GFRA1: variants seen among roughly 807,000 people sequenced by gnomAD.
GFRA1 encodes GDNF family receptor alpha-1.
Under a neutral mutation model 51.6 loss-of-function variants are expected in GFRA1, and 16 were observed. That is an observed-to-expected ratio of 0.31 (90% CI 0.21 to 0.47). GFRA1 has a LOEUF of 0.47. Ranked by LOEUF, GFRA1 falls within the 20% of genes least tolerant of loss-of-function variation. GFRA1 has a pLI of 1.00. For missense variants in GFRA1, 530 were observed against 594.3 expected (o/e 0.89, Z 1.13); for synonymous variants, 270 against 241.3 (o/e 1.12, Z -1.10).
At chr10:116,264,209 G>A (rs1166573465) in intron 4 of GFRA1, among the ~76,000 whole-genome samples, 1 of 152,112 alleles carries the variant, frequency 6.6e-6, no homozygotes, top group South Asian at 2.1e-4. Context: ...CAGACAGAAA[G>A]GGACCAACAC....
intron 6 of GFRA1, among the ~76,000 whole-genome samples, chr10:116,106,667 T>A (rs1957018716): frequency 6.6e-6 from 1 of 151,942 alleles, no homozygotes; most frequent in Non-Finnish European, 1.5e-5. Flanking sequence ...TCATGTGACA[T>A]GTCTGCATGA....
chr10:116,227,575 C>T (rs1966388415), intron 4 of GFRA1, among the ~76,000 whole-genome samples: 1 of 152,198 alleles, frequency 6.6e-6, no homozygotes, highest in Admixed American at 6.5e-5. Flanking sequence ...TAGCATCCTG[C>T]CTTCTCAAAT....
chr10:116,173,249 G>A (rs888486439), intron 5 of GFRA1, among the ~76,000 whole-genome samples: 18 of 152,204 alleles, frequency 1.2e-4, no homozygotes, highest in African/African-American at 4.3e-4. Flanking sequence ...GGGGACCAGT[G>A]CTGTGGGACC....
chr10:116,227,972 A>G (rs1427822521), intron 4 of GFRA1, among the ~76,000 whole-genome samples: 1 of 152,232 alleles, frequency 6.6e-6, no homozygotes, highest in Non-Finnish European at 1.5e-5. Flanking sequence ...GTTTTGGACA[A>G]AGTGTGCTGT....
intron 4 of GFRA1, among the ~76,000 whole-genome samples, chr10:116,243,808 A>G (rs1035870843): frequency 1.3e-5 from 2 of 152,198 alleles, no homozygotes. Flanking sequence ...GGAAACTCTC[A>G]CAGAGCTCCC....
intron 5 of GFRA1, among the ~76,000 whole-genome samples, 191 bp downstream of exon 5, chr10:116,211,440 G>A (rs1215462940): frequency 6.6e-6 from 1 of 152,206 alleles, no homozygotes; most frequent in Non-Finnish European, 1.5e-5. Context: ...AGAGGAAGAA[G>A]CAGAGGTTGG....
At chr10:116,256,716 T>C (rs1968889482) in intron 4 of GFRA1, among the ~76,000 whole-genome samples, 6 of 152,220 alleles carry the variant, frequency 3.9e-5, no homozygotes, top group Admixed American at 3.9e-4. Context: ...TTACGAAATG[T>C]TCTGAATCGA....
In GFRA1 at chr10:116,059,676, C is replaced by A. The variant is rs1954708838; in HGVS notation, c.*4722G>T. 6.6e-6 allele frequency: 1 copy of A among 152,208 alleles called. No individual in the cohort carries two copies. The highest frequency in any genetic ancestry group is 1.5e-5 in the Non-Finnish European group (1 of 68,056). The allele number at this position is 152,208 out of a possible 1,614,324, so 9.4% of individuals were successfully genotyped here. On this transcript the variant is annotated 3_prime_UTR_variant, in exon 11 of 11. Transcript: ENST00000355422. ...CAATCAGAAGTGCAGGTGGCACATTCTGCTGAAAACCACCCCTGCATTGTC... is the reference window on the plus strand; with the variant it reads ...CAATCAGAAGTGCAGGTGGCACATTATGCTGAAAACCACCCCTGCATTGTC...
intron 6 of GFRA1, among the ~76,000 whole-genome samples, chr10:116,111,481 C>T (rs1192042123): frequency 6.6e-6 from 1 of 152,186 alleles, no homozygotes; most frequent in African/African-American, 2.4e-5. Context: ...ATGTGTTGTC[C>T]CTGCCCGCAG....
intron 5 of GFRA1, among the ~76,000 whole-genome samples, chr10:116,130,360 T>C (rs1315792969): frequency 1.3e-5 from 2 of 152,072 alleles, no homozygotes; most frequent in East Asian, 1.9e-4. Flanking sequence ...TATAAGCTTA[T>C]AGACAATTAT....
At chr10:116,105,774 C>T (rs1956982737) in intron 6 of GFRA1, among the ~76,000 whole-genome samples, 1 of 151,862 alleles carries the variant, frequency 6.6e-6, no homozygotes, top group Non-Finnish European at 1.5e-5. Flanking sequence ...AATTCCACAA[C>T]TAGCTCATGA....
At chr10:116,236,419 GT>G (rs1319123920) in intron 4 of GFRA1, among the ~76,000 whole-genome samples, 1 of 152,094 alleles carries the variant, frequency 6.6e-6, no homozygotes, top group Non-Finnish European at 1.5e-5. Context: ...AAGCAGAAAA[GT>G]TCTATATTTA....
chr10:116,180,985 C>T (rs778385924), intron 5 of GFRA1, among the ~76,000 whole-genome samples: 1 of 152,174 alleles, frequency 6.6e-6, no homozygotes, highest in Non-Finnish European at 1.5e-5. Flanking sequence ...CTCCATCCTT[C>T]TAAATCACCC....
chr10:116,096,398 T>G (rs1322969506), intron 7 of GFRA1, among the ~76,000 whole-genome samples: 1 of 152,226 alleles, frequency 6.6e-6, no homozygotes, highest in East Asian at 1.9e-4. Flanking sequence ...CTTACCCGTC[T>G]GCGCACTTGC....
intron 5 of GFRA1, among the ~76,000 whole-genome samples, chr10:116,176,705 T>TCTCC (rs1193754650): frequency 4.4e-4 from 62 of 140,676 alleles, no homozygotes; most frequent in African/African-American, 9.8e-4. Flanking sequence ...CACACCCCTT[T>TCTCC]CTCCCTCCCT....
In GFRA1 at chr10:116,057,990, T is replaced by TTGTGTGTGTGTGTGTG. The variant is rs56263127; in HGVS notation, c.*6392_*6407dup. 5.1e-4 allele frequency: 66 copies of TTGTGTGTGTGTGTGTG among 129,100 alleles called. 1 individual carries two copies. Among genetic ancestry groups the TTGTGTGTGTGTGTGTG allele is most frequent in the East Asian group, 2.1e-3 (8 of 3,772 alleles). The allele number at this position is 129,100 out of a possible 1,614,324, so 8.0% of individuals were successfully genotyped here. ...GCTGGATCATATAGCCCTCCAATCA[T>TTGTGTGTGTGTGTGTG]TGTGTGTGTGTGTGTGTGTGTGTGT... On this transcript the variant is annotated 3_prime_UTR_variant, in exon 11 of 11. Transcript: ENST00000355422.
chr10:116,194,066 T>TAAAAAAAAAAAA (rs1051845471), intron 5 of GFRA1, among the ~76,000 whole-genome samples: 12 of 26,988 alleles, frequency 4.4e-4, no homozygotes, highest in Non-Finnish European at 9.6e-4. Flanking sequence ...AAATAAAATT[T>TAAAAAAAAAAAA]AAAAAAAAAA....
At chr10:116,148,014 G>A (rs1364198954) in intron 5 of GFRA1, among the ~76,000 whole-genome samples, 2 of 148,896 alleles carry the variant, frequency 1.3e-5, no homozygotes, top group Admixed American at 1.3e-4. Flanking sequence ...GGCAAAGAAC[G>A]TGTGTGCGCG....
intron 5 of GFRA1, among the ~76,000 whole-genome samples, chr10:116,192,469 A>G (rs2134329723): frequency 6.6e-6 from 1 of 152,314 alleles, no homozygotes; most frequent in East Asian, 1.9e-4. Context: ...TTTCGGGGTC[A>G]TTCCAAATCA....
Sources: allele counts gnomAD v4.1 joint callset (sites outside exome capture counted in the v4.1 genomes callset), GRCh38; gene constraint gnomAD v4.1.1; transcripts MANE v1.5; gene names NCBI Gene and HGNC (gene_info 2026-07-23, HGNC 2026-07-21).